KCNAB2: variants seen among roughly 807,000 people sequenced by gnomAD.
KCNAB2 encodes voltage-gated potassium channel subunit beta-2.
KCNAB2 carries 29 observed loss-of-function variants against 63.6 expected under a neutral mutation model. That is an observed-to-expected ratio of 0.46 (90% CI 0.34 to 0.62). KCNAB2 has a LOEUF of 0.62. Ranked by LOEUF, KCNAB2 falls within the 20% of genes least tolerant of loss-of-function variation. KCNAB2 has a pLI of 0.01. For synonymous variants in KCNAB2, 222 were observed against 224.2 expected, an observed-to-expected ratio of 0.99 and a Z score of 0.09; for missense variants, 359 against 563.9, an observed-to-expected ratio of 0.64 and a Z score of 3.68.
At chr1:6,097,628 G>A (rs982708172) in intron 15 of KCNAB2, 11 of 611,198 alleles carry the variant, frequency 1.8e-5, no homozygotes, top group African/African-American at 1.3e-4. Context: ...GCTGGGGCCA[G>A]GGACGGTGGC....
chr1:6,004,353 A>G (rs1188989095), intron 1 of KCNAB2, among the ~76,000 whole-genome samples: 1 of 151,678 alleles, frequency 6.6e-6, no homozygotes, highest in Admixed American at 6.6e-5. Context: ...GCATTGCTGC[A>G]CCCAGCTTGG....
intron 1 of KCNAB2, among the ~76,000 whole-genome samples, chr1:6,025,348 G>T (rs1333231997): frequency 6.6e-6 from 1 of 152,110 alleles, no homozygotes; most frequent in Non-Finnish European, 1.5e-5. Context: ...CATGGGAGAT[G>T]GAATGTTCCA....
intron 2 of KCNAB2, 80 bp from the exon 3 acceptor site, chr1:6,072,675 G>A (rs1485809474): frequency 6.8e-7 from 1 of 1,461,710 alleles, no homozygotes; most frequent in African/African-American, 1.4e-5. Context: ...GTGGGTGGGG[G>A]GCTGGCCCTG....
intron 2 of KCNAB2, among the ~76,000 whole-genome samples, chr1:6,072,022 G>A (rs1478271471): frequency 6.6e-6 from 1 of 152,220 alleles, no homozygotes; most frequent in Non-Finnish European, 1.5e-5. Flanking sequence ...CCTCAGCAGA[G>A]GGCTGCCACC....
At chr1:6,010,749 G>C (rs1348957573) in intron 1 of KCNAB2, among the ~76,000 whole-genome samples, 2 of 152,246 alleles carry the variant, frequency 1.3e-5, no homozygotes, top group African/African-American at 4.8e-5. Flanking sequence ...TGATGGGCAG[G>C]CTGGATGGGC....
rs566144370 is a variant in KCNAB2 at position 6,000,038 on chromosome 1, C to T, written c.-53+7250C>T. Among the ~76,000 whole-genome samples, 63 of 151,402 alleles carry T rather than the reference C, an allele frequency of 4.2e-4. 1 individual carries two copies. Among genetic ancestry groups the T allele is most frequent in the Admixed American group, 3.1e-3 (47 of 15,236 alleles). Reference sequence around the variant, plus strand: ...CACCCTGTCTGCGCCGTCCGTGCCCCGTCTGCACCTTGTCTGTGCCCCGTC... The same window carrying T: ...CACCCTGTCTGCGCCGTCCGTGCCCTGTCTGCACCTTGTCTGTGCCCCGTC... On this transcript the variant is annotated intron_variant, in intron 1 of 16. Transcript: ENST00000341524.
chr1:6,063,066 G>A (rs1369394509), intron 2 of KCNAB2, among the ~76,000 whole-genome samples: 4 of 146,036 alleles, frequency 2.7e-5, no homozygotes, highest in African/African-American at 7.7e-5. Flanking sequence ...TCTCACTGTC[G>A]CCCAGGCTAG....
intron 1 of KCNAB2, among the ~76,000 whole-genome samples, chr1:5,997,229 A>C (rs777299074): frequency 6.6e-6 from 1 of 152,200 alleles, no homozygotes; most frequent in Non-Finnish European, 1.5e-5. Context: ...ACCGGAGCAG[A>C]GGAACCTGGC....
intron 2 of KCNAB2, among the ~76,000 whole-genome samples, chr1:6,065,463 G>C (rs1262324662): frequency 6.6e-6 from 1 of 152,220 alleles, no homozygotes; most frequent in Non-Finnish European, 1.5e-5. Flanking sequence ...CTGGATCCCA[G>C]GCCCCCTCAG....
exon 1 of KCNAB2, chr1:6,034,442 C>T (rs1659870874): frequency 6.6e-6 from 1 of 152,330 alleles, no homozygotes; most frequent in Non-Finnish European, 1.5e-5. Flanking sequence ...AAACGGTGTA[C>T]AGTTCCCGTC....
At chr1:6,084,621 G>C (rs146167160) in intron 5 of KCNAB2, among the ~76,000 whole-genome samples, 3 of 152,162 alleles carry the variant, frequency 2.0e-5, no homozygotes, top group East Asian at 1.9e-4. Flanking sequence ...TTCGAGACCA[G>C]CCTGGCCAAC....
upstream of KCNAB2, among the ~76,000 whole-genome samples, chr1:6,042,776 A>G (rs1660597598): frequency 6.6e-6 from 1 of 151,544 alleles, no homozygotes; most frequent in Admixed American, 6.6e-5. Context: ...CCAATGTGCC[A>G]GGCAGTGGTC....
intron 1 of KCNAB2, among the ~76,000 whole-genome samples, chr1:6,009,242 T>C (rs1658003147): frequency 1.3e-5 from 2 of 152,212 alleles, no homozygotes; most frequent in Non-Finnish European, 2.9e-5. Flanking sequence ...GTATCTGCTT[T>C]CCAGAGCGGC....
At chr1:6,007,083 G>A (rs555929716) in intron 1 of KCNAB2, among the ~76,000 whole-genome samples, 1 of 152,266 alleles carries the variant, frequency 6.6e-6, no homozygotes, top group African/African-American at 2.4e-5. Context: ...TTCTGTCCCT[G>A]TGGCGGACAG....
intron 1 of KCNAB2, among the ~76,000 whole-genome samples, chr1:6,001,089 G>A (rs1184145986): frequency 1.3e-5 from 2 of 152,148 alleles, no homozygotes; most frequent in East Asian, 1.9e-4. Flanking sequence ...GCAGGGAGAG[G>A]GACAAGGGCA....
chr1:6,095,603 C>G lies in KCNAB2; in HGVS notation c.927C>G (p.Pro309=). The change falls in exon 13 of 16, where the codon CCC becomes CCG. Residue 309 remains proline (P), a synonymous_variant. Transcript: ENST00000378083. ...VSGKYDSGIP[P]YSRASLKGYQ... is the part of the protein sequence containing the mutation. ...GCAAGTACGACAGTGGCATCCCACC[C>G]TACTCAAGAGCCTCCTTGAAGGTGA... 2 of 1,613,428 alleles carry G rather than the reference C, an allele frequency of 1.2e-6. No homozygotes were observed. The highest frequency in any genetic ancestry group is 1.3e-5 in the African/African-American group (1 of 75,056).
chr1:6,052,636 A>T (rs1029760988), intron 2 of KCNAB2, among the ~76,000 whole-genome samples: 8 of 152,088 alleles, frequency 5.3e-5, no homozygotes, highest in Admixed American at 2.0e-4. Flanking sequence ...TCTGCTAGCC[A>T]CCGTTCTCTG....
Position 6,090,371 on chromosome 1 carries a change from C to A in KCNAB2, c.515-18C>A, listed in dbSNP as rs116081459. The A allele has an allele frequency of 3.3e-4, 526 of 1,586,382 alleles. 1 individual carries two copies. The African/African-American group carries it at 5.9e-3, about 18-fold the overall frequency. ...TGGAGCCACAGCAGTGACGCCCCCC[C>A]ACCTGGTCCTCCCCCAGGTCTGAAA... is the stretch of plus-strand genomic sequence containing the variant. On this transcript the variant is annotated intron_variant, in intron 8 of 15. Transcript: ENST00000378083.
rs916487585 is a variant in KCNAB2, at chr1:6,082,099, G to A, written c.301-96G>A. The stretch of plus-strand genomic sequence containing the variant: ...TGTCGGGCCCGGGAGGGCAGGGCCT[G>A]GACACGGGGAGGCCTCCCAGGCCGA... On this transcript the variant is annotated intron_variant, in intron 4 of 15. Coordinates refer to ENST00000378083, the MANE Select transcript of KCNAB2 (RefSeq NM_001199862.2). The A allele has an allele frequency of 2.5e-5, 26 of 1,034,526 alleles. No individual in the cohort carries two copies. In the Admixed American group the frequency reaches 4.2e-4, roughly 17 times the overall value. The allele number at this position is 1,034,526 out of a possible 1,614,324, so 64.1% of individuals were successfully genotyped here. A position where few individuals can be genotyped will look rare whatever the true frequency, so the allele number is the denominator to read the frequency against.
Sources: allele counts gnomAD v4.1 joint callset (sites outside exome capture counted in the v4.1 genomes callset), GRCh38; gene constraint gnomAD v4.1.1; transcripts MANE v1.5; gene names NCBI Gene and HGNC (gene_info 2026-07-23, HGNC 2026-07-21).